The following ITPRID1 variants were observed in gnomAD, a reference collection of about 807,000 sequenced individuals.
ITPRID1 encodes protein ITPRID1.
Under a neutral mutation model 95.4 loss-of-function variants are expected in ITPRID1, and 96 were observed. That is an observed-to-expected ratio of 1.01 (90% confidence interval 0.85 to 1.19). The LOEUF (loss-of-function observed/expected upper bound fraction) is 1.19, where lower values mean the gene tolerates loss of function less well. Ranked by LOEUF, ITPRID1 falls within the 50% of genes most tolerant of loss-of-function variation. ITPRID1 has a pLI of 0.00. For synonymous variants in ITPRID1, 510 were observed against 453.6 expected, an observed-to-expected ratio of 1.12 and a Z score of -1.58; for missense variants, 1,339 against 1,252.9, an observed-to-expected ratio of 1.07 and a Z score of -1.04.
intron 10 of ITPRID1, among the ~76,000 whole-genome samples, chr7:31,627,959 A>G (rs750079222): frequency 9.2e-5 from 14 of 152,178 alleles, no homozygotes; most frequent in Admixed American, 6.5e-4. Flanking sequence ...GAAAGGGGCT[A>G]TTTACTGAAG....
intron 10 of ITPRID1, among the ~76,000 whole-genome samples, chr7:31,615,946 G>A (rs1431582088): frequency 2.0e-5 from 3 of 151,796 alleles, no homozygotes; most frequent in East Asian, 3.9e-4. Context: ...TGGTAGAGAC[G>A]GGGTTTCACT....
chr7:31,569,729 G>C, intron 5 of ITPRID1, 29 bp from the exon 6 acceptor site: 1 of 1,554,870 alleles, frequency 6.4e-7, no homozygotes, highest in Non-Finnish European at 8.7e-7. Flanking sequence ...ACGAAATAAA[G>C]TTCCCCTCTA....
intron 12 of ITPRID1, among the ~76,000 whole-genome samples, 192 bp downstream of exon 12, chr7:31,644,145 T>A (rs907337504): frequency 9.8e-5 from 15 of 152,316 alleles, no homozygotes; most frequent in African/African-American, 3.6e-4. Flanking sequence ...ATACTTCCAA[T>A]CAATCACCTT....
intron 10 of ITPRID1, among the ~76,000 whole-genome samples, chr7:31,605,147 A>AG (rs1022117826): frequency 7.9e-5 from 12 of 151,494 alleles, no homozygotes; most frequent in African/African-American, 9.7e-5. Context: ...CAAAAAAAAA[A>AG]AGAGAAAATA....
chr7:31,607,273 C>A (rs1403031882), intron 10 of ITPRID1, among the ~76,000 whole-genome samples: 1 of 152,084 alleles, frequency 6.6e-6, no homozygotes, highest in Non-Finnish European at 1.5e-5. Context: ...TTGTTTGGAT[C>A]CTTGCTGGAT....
chr7:31,519,620 C>CTCTCTCTCTCTCTATA, intron 1 of ITPRID1, among the ~76,000 whole-genome samples: 20 of 25,260 alleles, frequency 7.9e-4, no homozygotes, highest in Non-Finnish European at 1.3e-3. Context: ...CTCTCTCTCT[C>CTCTCTCTCTCTCTATA]TATATATATA....
intron 1 of ITPRID1, among the ~76,000 whole-genome samples, chr7:31,527,155 C>T (rs1015550567): frequency 6.6e-6 from 1 of 152,164 alleles, no homozygotes; most frequent in Non-Finnish European, 1.5e-5. Context: ...AATCATCCTC[C>T]TTCTCCCCAC....
At position 31,524,373 on chromosome 7, in the gene ITPRID1, C is replaced by T. The variant is rs558704962; in HGVS notation, c.-98+10253C>T. On this transcript the variant is annotated intron_variant, in intron 1 of 14. Transcript: ENST00000615280. Reference sequence around the variant, plus strand: ...TGCCTGGAGTGTCTTAGAAAACTTTCCCCCAAACATTCATTTGTGTCCTGA... The same window carrying T: ...TGCCTGGAGTGTCTTAGAAAACTTTTCCCCAAACATTCATTTGTGTCCTGA... Among the ~76,000 whole-genome samples, 6 of 152,284 alleles carry T rather than the reference C, an allele frequency of 3.9e-5. No individual in the cohort carries two copies. In the East Asian group the frequency reaches 9.6e-4, roughly 24 times the overall value.
chr7:31,619,940 G>A (rs142278893), intron 10 of ITPRID1, among the ~76,000 whole-genome samples: 1,790 of 152,286 alleles, frequency 0.012, 31 homozygotes, highest in African/African-American at 0.039. Flanking sequence ...AAAAAACGGC[G>A]CACCAGGAGA....
chr7:31,516,007 A>C (rs1373212087), intron 1 of ITPRID1, among the ~76,000 whole-genome samples: 2 of 152,178 alleles, frequency 1.3e-5, no homozygotes, highest in Non-Finnish European at 2.9e-5. Flanking sequence ...TGCCAACAAA[A>C]TATTAGGTTA....
intron 1 of ITPRID1, among the ~76,000 whole-genome samples, chr7:31,524,889 G>T (rs1783375958): frequency 1.3e-5 from 2 of 151,990 alleles, no homozygotes; most frequent in Admixed American, 1.3e-4. Context: ...AAGAGTGCTA[G>T]CTCAGAGATT....
chr7:31,564,344 T>G (rs1276339205), intron 5 of ITPRID1, among the ~76,000 whole-genome samples: 1 of 151,916 alleles, frequency 6.6e-6, no homozygotes, highest in East Asian at 1.9e-4. Flanking sequence ...TGGGAAAAAT[T>G]TTTTTCTCAC....
rs1285560743 is a variant in ITPRID1 at position 31,647,266 on chromosome 7, G to A, written c.2583+3313G>A. On this transcript the variant is annotated intron_variant, in intron 12 of 14. Coordinates refer to ENST00000615280, the MANE Select transcript of ITPRID1 (RefSeq NM_001257967.3). ...GAAGAAAATTGGCTTTAAATTAGAT[G>A]CCAAGTGCTAGACAGGGCTAGAAAA... is the stretch of plus-strand genomic sequence containing the variant. 2.6e-5 allele frequency among the ~76,000 whole-genome samples: 4 copies of A among 152,324 alleles called. No homozygotes were observed. In the East Asian group the frequency reaches 7.7e-4, roughly 29 times the overall value.
intron 5 of ITPRID1, among the ~76,000 whole-genome samples, chr7:31,562,422 C>A (rs1250274816): frequency 6.6e-6 from 1 of 152,140 alleles, no homozygotes; most frequent in Non-Finnish European, 1.5e-5. Flanking sequence ...TTAGTTATTT[C>A]TTCTCCCATC....
chr7:31,541,740 A>G (rs775302350), intron 1 of ITPRID1, among the ~76,000 whole-genome samples: 1 of 152,150 alleles, frequency 6.6e-6, no homozygotes, highest in Non-Finnish European at 1.5e-5. Flanking sequence ...TGTTAATGTT[A>G]AACTCAATTT....
intron 7 of ITPRID1, among the ~76,000 whole-genome samples, chr7:31,573,463 T>C (rs188948123): frequency 1.2e-4 from 19 of 152,124 alleles, no homozygotes; most frequent in African/African-American, 2.4e-4. Context: ...GCGTCCCCAG[T>C]GAGATAGCTA....
At chr7:31,523,276 G>T (rs1324064735) in intron 1 of ITPRID1, among the ~76,000 whole-genome samples, 1 of 152,314 alleles carries the variant, frequency 6.6e-6, no homozygotes, top group Non-Finnish European at 1.5e-5. Flanking sequence ...CTGTATACAG[G>T]ATTGAGATGT....
intron 1 of ITPRID1, among the ~76,000 whole-genome samples, chr7:31,539,325 C>A (rs917765161): frequency 1.3e-5 from 2 of 152,128 alleles, no homozygotes; most frequent in Non-Finnish European, 2.9e-5. Flanking sequence ...GCTGGGACTA[C>A]AGGCATGCAC....
At chr7:31,521,718 C>T (rs1783266385) in intron 1 of ITPRID1, among the ~76,000 whole-genome samples, 1 of 79,782 alleles carries the variant, frequency 1.3e-5, no homozygotes, top group South Asian at 6.5e-4. Context: ...TCCCTTCCTT[C>T]CTTCCTTCTT....
Sources: allele counts gnomAD v4.1 joint callset (sites outside exome capture counted in the v4.1 genomes callset), GRCh38; gene constraint gnomAD v4.1.1; transcripts MANE v1.5; gene names NCBI Gene and HGNC (gene_info 2026-07-23, HGNC 2026-07-21).